Variants in IBTK observed in about 807,000 individuals in gnomAD.
IBTK encodes inhibitor of Bruton tyrosine kinase.
A neutral mutation model predicts 154.9 loss-of-function variants in IBTK; 83 were observed. The ratio of observed to expected loss-of-function variants is 0.54; its 90% confidence interval spans 0.45 to 0.64. IBTK has a LOEUF of 0.64. Ranked by LOEUF, IBTK falls within the 30% of genes least tolerant of loss-of-function variation. IBTK has a pLI of 0.00. For missense variants in IBTK, 1,332 were observed against 1,584.6 expected, an observed-to-expected ratio of 0.84 and a Z score of 2.71; for synonymous variants, 515 against 536.1, an observed-to-expected ratio of 0.96 and a Z score of 0.54.
chr6:82,173,142 C>T, intron 27 of IBTK: 1 of 341,394 alleles, frequency 2.9e-6, no homozygotes, highest in Non-Finnish European at 5.3e-6. Flanking sequence ...GCTGGCATCA[C>T]AGGCATGCGC....
chr6:82,226,628 C>T (rs778662058), intron 5 of IBTK, among the ~76,000 whole-genome samples: 6 of 146,980 alleles, frequency 4.1e-5, no homozygotes, highest in African/African-American at 1.0e-4. Flanking sequence ...CTTTTTGAGA[C>T]GGAGTTTCAC....
intron 9 of IBTK, among the ~76,000 whole-genome samples, chr6:82,219,186 C>T (rs1382193350): frequency 2.0e-5 from 3 of 151,640 alleles, no homozygotes; most frequent in Non-Finnish European, 4.4e-5. Context: ...CATAGGTAAA[C>T]GTGTGCCATG....
intron 3 of IBTK, among the ~76,000 whole-genome samples, chr6:82,232,500 G>C (rs895470928): frequency 1.1e-4 from 17 of 152,168 alleles, no homozygotes; most frequent in African/African-American, 4.1e-4. Context: ...TATTTTAGAA[G>C]ATGAATAAAG....
Position 82,240,376 on chromosome 6 carries a change from G to A in IBTK, c.111C>T (p.Leu37=), listed in dbSNP as rs1770893022. 9.9e-6 allele frequency: 16 copies of A among 1,614,066 alleles called. No individual in the cohort carries two copies. The highest frequency in any genetic ancestry group is 1.3e-5 in the African/African-American group (1 of 74,936). ...TTGCAGCATTGTAACAATGACTGGA[G>A]AGAAAGGCCTTAATCTGGTTTTCGC... The part of the protein sequence containing the change: ...KGSENQIKAF[L]SSHCYNAATI... The change falls in exon 2 of 29, where the codon CTC becomes CTT. Residue 37 remains leucine (L), a synonymous_variant. Transcript: ENST00000306270.
At chr6:82,233,111 C>A (rs971719022) in intron 3 of IBTK, among the ~76,000 whole-genome samples, 2 of 148,044 alleles carry the variant, frequency 1.4e-5, no homozygotes, top group Non-Finnish European at 3.0e-5. Context: ...GAGCCAAGAT[C>A]GCGCCATTGC....
intron 24 of IBTK, chr6:82,191,468 A>G (rs1400434193): frequency 3.6e-6 from 2 of 558,802 alleles, no homozygotes; most frequent in South Asian, 2.1e-5. Context: ...GCCCTCCAAC[A>G]TATCACAAAT....
At chr6:82,212,950 T>G (rs570827005) in intron 12 of IBTK, among the ~76,000 whole-genome samples, 157 bp from the exon 13 acceptor site, 105 of 152,294 alleles carry the variant, frequency 6.9e-4, no homozygotes, top group Admixed American at 1.3e-3. Flanking sequence ...ATATCATACT[T>G]TTTCTTCCAT....
At chr6:82,191,909 G>A (rs768175838) in intron 23 of IBTK, 30 bp from the exon 24 acceptor site, 2 of 1,384,744 alleles carry the variant, frequency 1.4e-6, no homozygotes, top group African/African-American at 2.9e-5. Context: ...ACTTTGCAAA[G>A]CATTCATTTA....
intron 25 of IBTK, among the ~76,000 whole-genome samples, chr6:82,188,853 A>G (rs1768650492): frequency 6.6e-6 from 1 of 152,108 alleles, no homozygotes; most frequent in Non-Finnish European, 1.5e-5. Context: ...AACATGGTGA[A>G]ACCATGTTTC....
chr6:82,200,368 C>G, intron 20 of IBTK, 115 bp from the exon 21 acceptor site: 3 of 811,644 alleles, frequency 3.7e-6, no homozygotes, highest in South Asian at 1.7e-5. Context: ...TTTACACTTT[C>G]AATGTGTTAG....
At position 82,217,638 on chromosome 6, in the gene IBTK, C is replaced by T. The variant is rs368371189; in HGVS notation, c.1426+322G>A. 2.4e-4 allele frequency among the ~76,000 whole-genome samples: 36 copies of T among 152,252 alleles called. No individual in the cohort carries two copies. In the South Asian group the frequency reaches 5.4e-3, roughly 23 times the overall value. On this transcript the variant is annotated intron_variant, in intron 10 of 28. Coordinates refer to ENST00000306270, the MANE Select transcript of IBTK (RefSeq NM_015525.4). Reference sequence around the variant, plus strand: ...TGTGGCTTTATGATTTTGAAGAATACGTTTATAATTTTCTGAGTAATTATA... The same window carrying T: ...TGTGGCTTTATGATTTTGAAGAATATGTTTATAATTTTCTGAGTAATTATA...
intron 16 of IBTK, among the ~76,000 whole-genome samples, chr6:82,206,467 G>C (rs1420274772): frequency 1.3e-5 from 2 of 152,158 alleles, no homozygotes; most frequent in East Asian, 3.8e-4. Context: ...GGACCAGATG[G>C]CTTAATTGGT....
chr6:82,193,038 C>T (rs1003278562), intron 23 of IBTK, among the ~76,000 whole-genome samples: 15 of 149,580 alleles, frequency 1.0e-4, no homozygotes, highest in East Asian at 4.0e-4. Context: ...GCAGAGGTTG[C>T]GGTGAGCCGA....
intron 8 of IBTK, among the ~76,000 whole-genome samples, 173 bp from the exon 9 acceptor site, chr6:82,220,886 A>G (rs1222814504): frequency 6.7e-6 from 1 of 149,542 alleles, no homozygotes; most frequent in East Asian, 2.0e-4. Context: ...TTCCCCTACA[A>G]GGGGGCTGTT....
chr6:82,186,913 C>CTTTTTTT (rs138781864), intron 25 of IBTK, among the ~76,000 whole-genome samples: 2 of 103,672 alleles, frequency 1.9e-5, no homozygotes, highest in Admixed American at 1.1e-4. Flanking sequence ...TTATCAAATT[C>CTTTTTTT]TTTTTTTTTT....
At chr6:82,247,502 T>C in intron 1 of IBTK, 60 bp downstream of exon 1, 1 of 398,482 alleles carries the variant, frequency 2.5e-6, no homozygotes, top group African/African-American at 2.1e-5. Context: ...ACTCTCCCCC[T>C]GCCCCCGGGC....
At chr6:82,226,840 A>G (rs1161462753) in intron 5 of IBTK, among the ~76,000 whole-genome samples, 1 of 152,172 alleles carries the variant, frequency 6.6e-6, no homozygotes, top group African/African-American at 2.4e-5. Flanking sequence ...TCCCGACCTC[A>G]GGTGATCCGC....
At chr6:82,227,104 G>T in intron 5 of IBTK, 88 bp downstream of exon 5, 1 of 810,692 alleles carries the variant, frequency 1.2e-6, no homozygotes, top group East Asian at 2.6e-5. Context: ...CGTCCTTACA[G>T]TTGAAAAAAA....
chr6:82,196,386 T>C lies in IBTK; in HGVS notation c.3086A>G (p.Asp1029Gly), dbSNP rs1300595718. 3.7e-6 allele frequency: 6 copies of C among 1,612,690 alleles called. No individual in the cohort carries two copies. Among genetic ancestry groups the C allele is most frequent in the Admixed American group, 1.7e-5 (1 of 59,960 alleles). The change falls in exon 22 of 29, where the codon GAC (aspartate) becomes GGC (glycine). Residue 1029 changes from aspartate to glycine, a missense_variant. This residue lies in a region of IBTK where 1,134 missense variants were observed against 1,274.7 expected (regional missense o/e 0.89). Coordinates refer to ENST00000306270, the MANE Select transcript of IBTK (RefSeq NM_015525.4). ...CACTCCTGCATAGCTTCCTTCAGAG[T>C]CTGATGTCAACAGTTCTGGAAGAGA... is the stretch of plus-strand genomic sequence containing the variant. ...VESLPELLTS[D>G]SEGSYAGVGS...
Sources: allele counts gnomAD v4.1 joint callset (sites outside exome capture counted in the v4.1 genomes callset), GRCh38; gene constraint gnomAD v4.1.1; regional missense constraint gnomAD v4.1.1; transcripts MANE v1.5; gene names NCBI Gene and HGNC (gene_info 2026-07-23, HGNC 2026-07-21).